Variants in PSTPIP1 observed in about 807,000 individuals in gnomAD.
The protein encoded by PSTPIP1 is proline-serine-threonine phosphatase-interacting protein 1.
In PSTPIP1, 66 loss-of-function variants were observed where a neutral mutation model predicts 69.6. That is an observed-to-expected ratio of 0.95 (90% CI 0.78 to 1.16). The LOEUF (loss-of-function observed/expected upper bound fraction) is 1.16, where lower values mean the gene tolerates loss of function less well. Among genes scored for constraint, PSTPIP1 ranks in the 50% most tolerant of loss-of-function variants. The probability of loss-of-function intolerance (pLI) is 0.00; values close to 1 mark genes in which losing one functional copy is unlikely to be tolerated. For missense variants in PSTPIP1, 603 were observed against 557.4 expected (o/e 1.08, Z -0.82); for synonymous variants, 266 against 222.7 (o/e 1.19, Z -1.73).
rs34936469 is a variant in PSTPIP1, at chr15:77,032,393, C to CG, written c.838+1dup. ...CCAAGAGCACGGGCACAGAGCCCCC[C>CG]GGTGAGGTCCGGCTTGCGGACAGCG... On this transcript the variant is annotated frameshift_variant and splice_region_variant, in exon 11 of 15. Coordinates refer to ENST00000558012, the MANE Select transcript of PSTPIP1 (RefSeq NM_003978.5). LOFTEE classifies it high-confidence loss of function. 1 of 1,612,616 alleles carries CG rather than the reference C, an allele frequency of 6.2e-7. No homozygotes were observed. The highest frequency in any genetic ancestry group is 8.5e-7 in the Non-Finnish European group (1 of 1,179,766).
intron 6 of PSTPIP1, among the ~76,000 whole-genome samples, chr15:77,028,158 T>C (rs1317879872): frequency 6.6e-6 from 1 of 151,356 alleles, no homozygotes; most frequent in Non-Finnish European, 1.5e-5. Context: ...GCAGATGAAG[T>C]CAGCTGGGGA....
chr15:77,031,141 C>T (rs1309456453), intron 9 of PSTPIP1, 39 bp from the exon 10 acceptor site: 3 of 1,584,388 alleles, frequency 1.9e-6, no homozygotes, highest in Non-Finnish European at 1.7e-6. Flanking sequence ...GGCCCTGCAG[C>T]CGCCTCCTCA....
At chr15:77,012,112 GCCATCCAT>G (rs566088503) in intron 1 of PSTPIP1, among the ~76,000 whole-genome samples, 2,715 of 88,170 alleles carry the variant, frequency 0.031, 90 homozygotes, top group African/African-American at 0.063. Flanking sequence ...GAGGGCTCTG[GCCATCCAT>G]CCATCCATCC....
rs1027470286 is a variant in PSTPIP1, at chr15:77,027,575, G to A, written c.355-277G>A. ...GCAGGATGAACGACTGTGTGCGCACGTGTGTTGGGGTGGGAACTCCCCAGC... is the reference window on the plus strand; with the variant it reads ...GCAGGATGAACGACTGTGTGCGCACATGTGTTGGGGTGGGAACTCCCCAGC... On this transcript the variant is annotated intron_variant, in intron 5 of 14. Transcript: ENST00000558012. This position sits in a 1 kb window ranked among gnomAD's most constrained non-coding sequence, Gnocchi z 4.3. 4.2e-6 allele frequency: 2 copies of A among 470,970 alleles called. No homozygotes were observed. The highest frequency in any genetic ancestry group is 8.1e-6 in the Non-Finnish European group (2 of 248,234). 29.2% of individuals were successfully genotyped at this position (470,970 alleles called of 1,614,324 possible).
Position 77,018,189 on chromosome 15 carries a change from G to A in PSTPIP1, c.78G>A (p.Leu26=). 1 of 1,590,678 alleles carries A rather than the reference G, an allele frequency of 6.3e-7. No individual in the cohort carries two copies. Among genetic ancestry groups the A allele is most frequent in the Non-Finnish European group, 8.6e-7 (1 of 1,169,492 alleles). ...CCCACACGGGCTACGAGGTGCTGCT[G>A]CAGCGGCTTCTGGATGGCAGGAAGA... ...FTAHTGYEVL[L]QRLLDGRKMC... Residue 26 remains leucine (L), a synonymous_variant, in exon 2 of 15, where the codon CTG becomes CTA. Coordinates refer to ENST00000558012, the MANE Select transcript of PSTPIP1 (RefSeq NM_003978.5).
At chr15:77,015,479 GC>G (rs1316669502) in intron 1 of PSTPIP1, among the ~76,000 whole-genome samples, 2 of 152,160 alleles carry the variant, frequency 1.3e-5, no homozygotes, top group African/African-American at 4.8e-5. Context: ...TTCACAAAGG[GC>G]AGGGCCACAG....
At chr15:77,034,145 A>C (rs938376126) in intron 12 of PSTPIP1, among the ~76,000 whole-genome samples, 1 of 152,080 alleles carries the variant, frequency 6.6e-6, no homozygotes, top group Non-Finnish European at 1.5e-5. Context: ...GACTGGGAAG[A>C]GGCGGGGGTC....
intron 12 of PSTPIP1, among the ~76,000 whole-genome samples, chr15:77,033,821 G>C (rs985752715): frequency 1.4e-4 from 3 of 20,732 alleles, no homozygotes; most frequent in African/African-American, 5.9e-4. Flanking sequence ...CTTAGAGAGG[G>C]CACACACACA....
intron 5 of PSTPIP1, among the ~76,000 whole-genome samples, chr15:77,026,794 G>A (rs1004371249): frequency 2.0e-5 from 3 of 152,246 alleles, no homozygotes; most frequent in Non-Finnish European, 4.4e-5. Flanking sequence ...CTCTGAGCTG[G>A]GACGTGCCCG....
chr15:76,995,668 C>A (rs574747436), intron 1 of PSTPIP1, 59 bp downstream of exon 1: 1 of 1,611,476 alleles, frequency 6.2e-7, no homozygotes, highest in East Asian at 2.2e-5. Context: ...AGGCTGAAAT[C>A]TCCATGCAGG....
intron 14 of PSTPIP1, 132 bp downstream of exon 14, chr15:77,036,067 G>A (rs975626964): frequency 7.9e-7 from 1 of 1,265,816 alleles, no homozygotes; most frequent in East Asian, 2.6e-5. Flanking sequence ...CTCCTCCTCA[G>A]GAGGGCACGT....
intron 5 of PSTPIP1, 147 bp downstream of exon 5, chr15:77,025,751 G>C (rs2076267073): frequency 1.4e-6 from 1 of 739,292 alleles, no homozygotes; most frequent in African/African-American, 1.8e-5. Context: ...TGGGGCTTGA[G>C]GGTGATCTGA....
chr15:77,007,849 C>T (rs2075847985), intron 1 of PSTPIP1: 1 of 454,026 alleles, frequency 2.2e-6, no homozygotes, highest in African/African-American at 2.0e-5. Context: ...CCGTCTAGGC[C>T]TCCCAAAGTG....
chr15:77,036,693 G>A (rs1250420347), intron 14 of PSTPIP1, among the ~76,000 whole-genome samples: 2 of 152,122 alleles, frequency 1.3e-5, no homozygotes, highest in Non-Finnish European at 2.9e-5. Flanking sequence ...CTGGGGCTGG[G>A]GACCGCAAAG....
chr15:77,004,602 C>T (rs1289050769), intron 1 of PSTPIP1, among the ~76,000 whole-genome samples: 1 of 151,936 alleles, frequency 6.6e-6, no homozygotes, highest in Non-Finnish European at 1.5e-5. Flanking sequence ...ACCTGTAATC[C>T]CAGCACTTTG....
At position 77,006,426 on chromosome 15, in the gene PSTPIP1, T is replaced by C. The variant is rs192626203; in HGVS notation, c.36+10817T>C. Among the ~76,000 whole-genome samples, 3 of 152,354 alleles carry C rather than the reference T, an allele frequency of 2.0e-5. No individual in the cohort carries two copies. The East Asian group carries it at 5.8e-4, about 29-fold the overall frequency. Reference sequence around the variant, plus strand: ...CACTCTGGAGTGTCTTTTCACTGTTTTGATATACAAAAGTTTTTCATTTTG... The same window carrying C: ...CACTCTGGAGTGTCTTTTCACTGTTCTGATATACAAAAGTTTTTCATTTTG... On this transcript the variant is annotated intron_variant, in intron 1 of 14. Transcript: ENST00000558012.
intron 3 of PSTPIP1, 77 bp from the exon 4 acceptor site, chr15:77,025,207 C>T: frequency 6.7e-7 from 1 of 1,489,052 alleles, no homozygotes. Flanking sequence ...CCACTGCCCA[C>T]CCCGCCGGGA....
chr15:77,006,967 G>A (rs2075827622), intron 1 of PSTPIP1, among the ~76,000 whole-genome samples: 1 of 152,138 alleles, frequency 6.6e-6, no homozygotes, highest in African/African-American at 2.4e-5. Context: ...CTTTTTATAG[G>A]TGAGGAGACT....
rs545414114 is a variant in PSTPIP1, at chr15:77,023,207, C to T, written c.213-2077C>T. 5.9e-5 allele frequency among the ~76,000 whole-genome samples: 9 copies of T among 152,376 alleles called. No homozygotes were observed. In the South Asian group the frequency reaches 1.9e-3, roughly 32 times the overall value. On this transcript the variant is annotated intron_variant, in intron 3 of 14. Coordinates refer to ENST00000558012, the MANE Select transcript of PSTPIP1 (RefSeq NM_003978.5). The stretch of plus-strand genomic sequence containing the variant: ...GCCTGGGGACAATGAGGAGGAGAGC[C>T]AGGCATTGCCCCTGTCCTCAAGGGC...
Sources: gnomAD v4.1 joint callset for allele counts (sites outside exome capture counted in the v4.1 genomes callset) on GRCh38, gnomAD v4.1.1 for gene constraint, Gnocchi (gnomAD v3.1) non-coding constraint, MANE v1.5 for transcripts, NCBI Gene and HGNC (gene_info 2026-07-23, HGNC 2026-07-21) for gene names.